TSPOAP1: variants seen among roughly 807,000 people sequenced by gnomAD.
The protein encoded by TSPOAP1 is peripheral-type benzodiazepine receptor-associated protein 1.
In TSPOAP1, 87 loss-of-function variants were observed where a neutral mutation model predicts 197.0. The ratio of observed to expected loss-of-function variants is 0.44; its 90% CI spans 0.37 to 0.53. The LOEUF (loss-of-function observed/expected upper bound fraction) is 0.53. Among genes scored for constraint, TSPOAP1 ranks in the 20% least tolerant of loss-of-function variants. TSPOAP1 has a pLI of 0.00. For missense variants in TSPOAP1, 2,174 were observed against 2,411.3 expected (o/e 0.90, Z 2.06); for synonymous variants, 913 against 998.9 (o/e 0.91, Z 1.62).
intron 4 of TSPOAP1, 128 bp from the exon 5 acceptor site, chr17:58,325,130 T>C: frequency 1.2e-6 from 1 of 819,564 alleles, no homozygotes. Context: ...CACCCTCCCA[T>C]GGGTACATGC....
chr17:58,324,632 G>T lies in TSPOAP1; in HGVS notation c.942+179C>A, dbSNP rs999718409. ...CCAGGGGAGGGCACGGCGCAGGTAC[G>T]AGCACGGGAGGCTTGGAGGTGGACC... is the stretch of plus-strand genomic sequence containing the variant. On this transcript the variant is annotated intron_variant, in intron 5 of 31. Coordinates refer to ENST00000343736, the MANE Select transcript of TSPOAP1 (RefSeq NM_004758.4). This position sits in a 1 kb window ranked among gnomAD's most constrained non-coding sequence, Gnocchi z 5.8. Among the ~76,000 whole-genome samples, 17 of 152,032 alleles carry T rather than the reference G, an allele frequency of 1.1e-4. No individual in the cohort carries two copies. Among genetic ancestry groups the T allele is most frequent in the Non-Finnish European group, 2.9e-5 (2 of 67,948 alleles).
Position 58,305,494 on chromosome 17 carries a change from A to G in TSPOAP1, c.5362-36T>C, listed in dbSNP as rs1204677259. On this transcript the variant is annotated intron_variant, in intron 28 of 31. Transcript: ENST00000343736. The stretch of plus-strand genomic sequence containing the variant: ...CAAGAGGAGGGCATCAGGCCCAGGA[A>G]GGCTCTGCCACCGCCCTTTGCTGGG... The G allele has an allele frequency of 1.9e-6, 3 of 1,612,898 alleles. No individual in the cohort carries two copies. In the African/African-American group the frequency reaches 4.0e-5, roughly 22 times the overall value.
chr17:58,309,782 C>A lies in TSPOAP1; in HGVS notation c.3891+185G>T, dbSNP rs1971024466. Among the ~76,000 whole-genome samples, 1 of 152,220 alleles carries A rather than the reference C, an allele frequency of 6.6e-6. No homozygotes were observed. Among genetic ancestry groups the A allele is most frequent in the Non-Finnish European group, 1.5e-5 (1 of 68,024 alleles). On this transcript the variant is annotated intron_variant, in intron 21 of 31. Coordinates refer to ENST00000343736, the MANE Select transcript of TSPOAP1 (RefSeq NM_004758.4). The surrounding 1 kb of genome is among the most constrained non-coding windows in gnomAD (Gnocchi z 5.0). ...ACAGAAATGAACTCCTCCCCTTCCC[C>A]TTTCTTTCCAGGAGGGCAGGGGCCA...
At chr17:58,308,061 C>T in intron 22 of TSPOAP1, 120 bp from the exon 23 acceptor site, 1 of 1,045,120 alleles carries the variant, frequency 9.6e-7, no homozygotes, top group Non-Finnish European at 1.4e-6. Context: ...CAGCATTCCT[C>T]TCCCGGAGCC....
At position 58,309,225 on chromosome 17, in the gene TSPOAP1, C is replaced by G; in HGVS notation, c.4047G>C (p.Gly1349=). ...EEEDEEEEKS[G]AGCSSRDPGP... Reference sequence around the variant, plus strand: ...CAGGGTCTCGGGAAGAACAGCCTGCCCCTGACTTCTCCTCCTCCTCGTCCT... The same window carrying G: ...CAGGGTCTCGGGAAGAACAGCCTGCGCCTGACTTCTCCTCCTCCTCGTCCT... Residue 1349 remains glycine, a synonymous_variant, in exon 22 of 32, where the codon GGG becomes GGC. Coordinates refer to ENST00000343736, the MANE Select transcript of TSPOAP1 (RefSeq NM_004758.4). This position sits in a 1 kb window ranked among gnomAD's most constrained non-coding sequence, Gnocchi z 5.0. The G allele has an allele frequency of 6.2e-7, 1 of 1,614,042 alleles. No individual in the cohort carries two copies. The highest frequency in any genetic ancestry group is 1.7e-5 in the Admixed American group (1 of 60,024).
intron 16 of TSPOAP1, among the ~76,000 whole-genome samples, chr17:58,314,396 T>C (rs1422662713): frequency 6.6e-6 from 1 of 152,202 alleles, no homozygotes; most frequent in African/African-American, 2.4e-5. Context: ...GATCTTGAGA[T>C]GAGATCATCC....
intron 26 of TSPOAP1, 105 bp downstream of exon 26, chr17:58,306,237 C>G (rs1042610452): frequency 8.3e-7 from 1 of 1,199,082 alleles, no homozygotes; most frequent in African/African-American, 1.5e-5. Context: ...CACCCACCAG[C>G]ACACACATCC....
chr17:58,304,452 C>T lies in TSPOAP1; in HGVS notation c.5545-53G>A. ...TGGGTTACCGACAGACCCGCACCTTCTCCGCCCGGCCACCAGGTGGCCCTG... is the reference window on the plus strand; with the variant it reads ...TGGGTTACCGACAGACCCGCACCTTTTCCGCCCGGCCACCAGGTGGCCCTG... On this transcript the variant is annotated intron_variant, in intron 30 of 31. Coordinates refer to ENST00000343736, the MANE Select transcript of TSPOAP1 (RefSeq NM_004758.4). The surrounding 1 kb of genome is among the most constrained non-coding windows in gnomAD (Gnocchi z 4.2). 3 of 1,509,112 alleles carry T rather than the reference C, an allele frequency of 2.0e-6. No individual in the cohort carries two copies. Among genetic ancestry groups the T allele is most frequent in the Non-Finnish European group, 2.8e-6 (3 of 1,084,740 alleles). The allele number at this position is 1,509,112 out of a possible 1,614,324, so 93.5% of individuals were successfully genotyped here.
Position 58,308,563 on chromosome 17 carries a change from C to G in TSPOAP1, c.4709G>C (p.Arg1570Thr). The G allele has an allele frequency of 6.5e-7, 1 of 1,544,600 alleles. No individual in the cohort carries two copies. Among genetic ancestry groups the G allele is most frequent in the African/African-American group, 1.4e-5 (1 of 73,112 alleles). Residue 1570 changes from arginine (R) to threonine (T), a missense_variant, in exon 22 of 32, where the codon AGA becomes ACA. Arg to Thr is a moderately conservative substitution (Grantham distance 71). Coordinates refer to ENST00000343736, the MANE Select transcript of TSPOAP1 (RefSeq NM_004758.4). Reference sequence around the variant, plus strand: ...GACCCGGGAGAGTGGCTCCTTGGCTCTGCCCGTCGCACTGCGGCCTCTCCG... The same window carrying G: ...GACCCGGGAGAGTGGCTCCTTGGCTGTGCCCGTCGCACTGCGGCCTCTCCG... ...PERRGRSATG[R>T]AKEPLSRATE...
In TSPOAP1 at chr17:58,324,798, C is replaced by T. The variant is rs1187567543; in HGVS notation, c.942+13G>A. On this transcript the variant is annotated intron_variant, in intron 5 of 31. Coordinates refer to ENST00000343736, the MANE Select transcript of TSPOAP1 (RefSeq NM_004758.4). This position sits in a 1 kb window ranked among gnomAD's most constrained non-coding sequence, Gnocchi z 5.8. ...GCACGCACCCACACACCTGCCCTTG[C>T]GCCGGCGCTCACCTCTCCCGGGGCC... 2 of 1,446,528 alleles carry T rather than the reference C, an allele frequency of 1.4e-6. No homozygotes were observed. Among genetic ancestry groups the T allele is most frequent in the East Asian group, 2.5e-5 (1 of 39,610 alleles). The allele number at this position is 1,446,528 out of a possible 1,614,324, so 89.6% of individuals were successfully genotyped here. A position where few individuals can be genotyped will look rare whatever the true frequency, so the allele number is the denominator to read the frequency against.
chr17:58,304,359 T>A lies in TSPOAP1; in HGVS notation c.*11A>T. The A allele has an allele frequency of 6.2e-7, 1 of 1,613,870 alleles. No individual in the cohort carries two copies. The highest frequency in any genetic ancestry group is 8.5e-7 in the Non-Finnish European group (1 of 1,179,764). On this transcript the variant is annotated 3_prime_UTR_variant, in exon 31 of 32. Transcript: ENST00000343736. This position sits in a 1 kb window ranked among gnomAD's most constrained non-coding sequence, Gnocchi z 4.2. ...TTACATGTTGCTCTCTCTACATATA[T>A]CTATCTCCATCTAGCACTGGACTCT...
Position 58,310,919 on chromosome 17 carries a change from C to G in TSPOAP1, c.3376G>C (p.Glu1126Gln). Residue 1126 changes from glutamate (E) to glutamine (Q), a missense_variant, in exon 19 of 32, where the codon GAG (glutamate) becomes CAG (glutamine). This residue lies in a region of TSPOAP1 where 1,933 missense variants were observed against 2,139.0 expected (regional missense o/e 0.90). Coordinates refer to ENST00000343736, the MANE Select transcript of TSPOAP1 (RefSeq NM_004758.4). ...CTTGCAGGGGGTGCTCCTGGAGGCT[C>G]TTGAGTTCCAAGGGGAGCAGGGTGC... ...LQHPAPLGTQEPPGAPPASPS... is the reference protein window; with the variant it reads ...LQHPAPLGTQQPPGAPPASPS... 2 of 1,554,208 alleles carry G rather than the reference C, an allele frequency of 1.3e-6. No individual in the cohort carries two copies. Among genetic ancestry groups the G allele is most frequent in the Non-Finnish European group, 1.7e-6 (2 of 1,155,586 alleles).
intron 10 of TSPOAP1, 26 bp from the exon 11 acceptor site, chr17:58,320,607 T>G: frequency 7.2e-7 from 1 of 1,397,422 alleles, no homozygotes; most frequent in Non-Finnish European, 9.4e-7. Flanking sequence ...ACCAAAATAC[T>G]GGAGGGAAGG....
At position 58,309,708 on chromosome 17, in the gene TSPOAP1, C is replaced by T. The variant is rs1478812229; in HGVS notation, c.3891+259G>A. Among the ~76,000 whole-genome samples the T allele has an allele frequency of 6.6e-6, 1 of 152,228 alleles. No homozygotes were observed. Among genetic ancestry groups the T allele is most frequent in the Non-Finnish European group, 1.5e-5 (1 of 68,036 alleles). On this transcript the variant is annotated intron_variant, in intron 21 of 31. Coordinates refer to ENST00000343736, the MANE Select transcript of TSPOAP1 (RefSeq NM_004758.4). The surrounding 1 kb of genome is among the most constrained non-coding windows in gnomAD (Gnocchi z 5.0). ...GCACAAGGATCTTAGGTGGCACCGGCCTCCCCTGGCCAGGGCGCTGTATCT... is the reference window on the plus strand; with the variant it reads ...GCACAAGGATCTTAGGTGGCACCGGTCTCCCCTGGCCAGGGCGCTGTATCT...
rs1292596707 is a variant in TSPOAP1, at chr17:58,309,959, C to A, written c.3891+8G>T. On this transcript the variant is annotated splice_region_variant and intron_variant, in intron 21 of 31. Transcript: ENST00000343736. The surrounding 1 kb of genome is among the most constrained non-coding windows in gnomAD (Gnocchi z 5.0). ...CTGGGGCCCAACAGCCCATCCCTAC[C>A]CCGTTACCTTGGCCCCATTCTCCCT... The A allele has an allele frequency of 1.2e-6, 2 of 1,605,440 alleles. No individual in the cohort carries two copies. The highest frequency in any genetic ancestry group is 1.7e-6 in the Non-Finnish European group (2 of 1,175,368).
At position 58,327,632 on chromosome 17, in the gene TSPOAP1, C is replaced by T. The variant is rs138210351; in HGVS notation, c.289G>A (p.Ala97Thr). Reference protein sequence around the residue: ...LGQQASSSGPACQRPEDEEVE... With the variant: ...LGQQASSSGPTCQRPEDEEVE... ...TCCTCATCCTCTGGCCTCTGGCAGG[C>T]GGGTCCAGAGCTGGATGCTTGCTGG... is the stretch of plus-strand genomic sequence containing the variant. Residue 97 changes from alanine to threonine, a missense_variant, in exon 1 of 32, where the codon GCC becomes ACC. Ala to Thr is a moderately conservative substitution (Grantham distance 58). Transcript: ENST00000343736. The T allele has an allele frequency of 6.3e-5, 101 of 1,613,526 alleles. No individual in the cohort carries two copies. The African/African-American group carries it at 6.8e-4, about 11-fold the overall frequency.
In TSPOAP1 at chr17:58,310,617, G is replaced by T. The variant is rs778400135; in HGVS notation, c.3594C>A (p.Ala1198=). The T allele has an allele frequency of 8.1e-5, 130 of 1,613,120 alleles. No individual in the cohort carries two copies. The highest frequency in any genetic ancestry group is 1.0e-4 in the Non-Finnish European group (119 of 1,180,034). ...KQEAEWTAGE[A]CPASSSTQGA... ...CCTGGGTGGAGCTGGAGGCCGGACAGGCCTCTCCTGCAGTCCACTCGGCCT... is the reference window on the plus strand; with the variant it reads ...CCTGGGTGGAGCTGGAGGCCGGACATGCCTCTCCTGCAGTCCACTCGGCCT... Residue 1198 remains alanine, a synonymous_variant, in exon 20 of 32, where the codon GCC becomes GCA. Transcript: ENST00000343736.
chr17:58,320,255 C>T, intron 11 of TSPOAP1, 126 bp from the exon 12 acceptor site: 2 of 1,196,296 alleles, frequency 1.7e-6, no homozygotes, highest in Non-Finnish European at 1.2e-6. Flanking sequence ...GACTGACTAG[C>T]AGTTCCTAAA....
At chr17:58,307,092 G>A (rs1970921348) in intron 24 of TSPOAP1, 124 bp from the exon 25 acceptor site, 2 of 1,004,958 alleles carry the variant, frequency 2.0e-6, no homozygotes, top group South Asian at 3.2e-5. Context: ...GCCATGAAAT[G>A]GGAAAAGGGG....
Sources: allele counts gnomAD v4.1 joint callset (sites outside exome capture counted in the v4.1 genomes callset), GRCh38; gene constraint gnomAD v4.1.1; regional missense constraint gnomAD v4.1.1; non-coding constraint Gnocchi (gnomAD v3.1); transcripts MANE v1.5; gene names NCBI Gene and HGNC (gene_info 2026-07-23, HGNC 2026-07-21).